Variants in PLEKHA5 observed in about 807,000 individuals in gnomAD.
PLEKHA5 encodes the protein pleckstrin homology domain containing A5.
A neutral mutation model predicts 181.9 loss-of-function variants in PLEKHA5; 55 were observed. The observed-to-expected ratio is 0.30, with a 90% confidence interval of 0.24 to 0.38. The LOEUF is 0.38. Among genes scored for constraint, PLEKHA5 ranks in the 10% least tolerant of loss-of-function variants. PLEKHA5 has a pLI of 1.00. For missense variants in PLEKHA5, 1,432 were observed against 1,549.5 expected, an observed-to-expected ratio of 0.92 and a Z score of 1.27; for synonymous variants, 535 against 529.4, an observed-to-expected ratio of 1.01 and a Z score of -0.15.
At chr12:19,205,404 A>C (rs1315607567) in intron 3 of PLEKHA5, 28 of 983,838 alleles carry the variant, frequency 2.8e-5, no homozygotes, top group Non-Finnish European at 3.4e-5. Context: ...GAAGCCTGAG[A>C]CAAAGAAAAG....
At chr12:19,307,132 G>A (rs2084184534) in intron 15 of PLEKHA5, 2 of 856,336 alleles carry the variant, frequency 2.3e-6, no homozygotes, top group African/African-American at 3.4e-5. Flanking sequence ...GCATGTAGCT[G>A]CTGGTCTTGT....
intron 3 of PLEKHA5, among the ~76,000 whole-genome samples, chr12:19,225,863 C>G (rs1393193343): frequency 6.6e-6 from 1 of 152,072 alleles, no homozygotes; most frequent in Non-Finnish European, 1.5e-5. Flanking sequence ...AAGATCATCC[C>G]AGGATATATT....
intron 26 of PLEKHA5, among the ~76,000 whole-genome samples, chr12:19,354,295 G>A: frequency 6.7e-6 from 1 of 148,306 alleles, no homozygotes; most frequent in African/African-American, 2.5e-5. Context: ...GGGACTACAG[G>A]CGCCCGCCAC....
At position 19,359,507 on chromosome 12, in the gene PLEKHA5, A is replaced by T. The variant is rs1409820364; in HGVS notation, c.3444A>T (p.Leu1148=). 3.1e-6 allele frequency: 5 copies of T among 1,613,956 alleles called. No homozygotes were observed. The highest frequency in any genetic ancestry group is 2.2e-5 in the East Asian group (1 of 44,854). The part of the protein sequence containing the change: ...HETPATEIVQ[L]KETEPQNVDF... ...CTCCTGCAACAGAAATTGTTCAACTAAAAGAAACCGAACCCCAAAATGTGG... is the reference window on the plus strand; with the variant it reads ...CTCCTGCAACAGAAATTGTTCAACTTAAAGAAACCGAACCCCAAAATGTGG... Residue 1148 remains leucine, a synonymous_variant, in exon 28 of 32, where the codon CTA becomes CTT. Transcript: ENST00000429027.
Position 19,218,128 on chromosome 12 carries a change from G to C in PLEKHA5, c.228-35812G>C, listed in dbSNP as rs2058297452. 2.0e-5 allele frequency among the ~76,000 whole-genome samples: 3 copies of C among 152,106 alleles called. No homozygotes were observed. In the South Asian group the frequency reaches 6.3e-4, roughly 32 times the overall value. The stretch of plus-strand genomic sequence containing the variant: ...AATTAGAAAGTAAGATTATCTGCTG[G>C]GACTTGTTCGAAGCTTAAGAATAGT... On this transcript the variant is annotated intron_variant, in intron 3 of 31. Transcript: ENST00000429027.
At chr12:19,255,586 G>T (rs1295174473) in intron 5 of PLEKHA5, among the ~76,000 whole-genome samples, 1 of 151,704 alleles carries the variant, frequency 6.6e-6, no homozygotes, top group Non-Finnish European at 1.5e-5. Context: ...TTAAATGCCA[G>T]TTAAGGTTTT....
chr12:19,196,664 C>T (rs554799513), intron 3 of PLEKHA5, among the ~76,000 whole-genome samples: 9 of 152,242 alleles, frequency 5.9e-5, no homozygotes, highest in South Asian at 2.1e-4. Flanking sequence ...AGTAAAACCT[C>T]TGTGACAATA....
At chr12:19,276,907 A>G in intron 11 of PLEKHA5, among the ~76,000 whole-genome samples, 1 of 152,220 alleles carries the variant, frequency 6.6e-6, no homozygotes, top group East Asian at 1.9e-4. Flanking sequence ...TTCTTTAAAA[A>G]GGAAACTGGC....
intron 20 of PLEKHA5, among the ~76,000 whole-genome samples, chr12:19,323,873 T>C (rs1206965840): frequency 6.6e-6 from 1 of 151,340 alleles, no homozygotes; most frequent in Admixed American, 6.6e-5. Context: ...CTCATAGTCA[T>C]ATAACTATGA....
intron 15 of PLEKHA5, among the ~76,000 whole-genome samples, chr12:19,304,750 G>A (rs931467464): frequency 1.9e-4 from 29 of 149,202 alleles, no homozygotes; most frequent in African/African-American, 6.7e-4. Context: ...TATGGGGGCC[G>A]GGGGGCTTTT....
intron 9 of PLEKHA5, 73 bp from the exon 10 acceptor site, chr12:19,270,115 A>ATTT: frequency 1.1e-6 from 1 of 887,760 alleles, no homozygotes; most frequent in South Asian, 1.9e-5. Flanking sequence ...TTCTTTATTC[A>ATTT]TTTTCACCTA....
At chr12:19,316,093 GGAATAAGTATTATTCC>G (rs1300760124) in intron 16 of PLEKHA5, among the ~76,000 whole-genome samples, 24 of 151,794 alleles carry the variant, frequency 1.6e-4, no homozygotes, top group Non-Finnish European at 2.2e-4. Context: ...GAGAGTATTT[GGAATAAGTATTATTCC>G]GAATAAGTAT....
In PLEKHA5 at chr12:19,283,413, C is replaced by G. The variant is rs1354935593; in HGVS notation, c.1447C>G (p.Pro483Ala). ...TRPESICSVT[P>A]STHDKTLGPG... is the part of the protein sequence containing the mutation. ...GCCTGAAAGTATCTGCAGTGTAACC[C>G]CTTCCACTCATGACAAGACATTAGG... Residue 483 changes from proline to alanine, a missense_variant, in exon 12 of 32, where the codon CCT becomes GCT. This residue lies in a region of PLEKHA5 where 1,143 missense variants were observed against 1,168.4 expected (regional missense o/e 0.98). Coordinates refer to ENST00000429027, the MANE Select transcript of PLEKHA5 (RefSeq NM_001256470.2). The G allele has an allele frequency of 1.2e-6, 2 of 1,613,904 alleles. No homozygotes were observed. The highest frequency in any genetic ancestry group is 2.2e-5 in the South Asian group (2 of 91,078).
At chr12:19,231,552 A>G (rs1393720518) in intron 3 of PLEKHA5, among the ~76,000 whole-genome samples, 1 of 147,724 alleles carries the variant, frequency 6.8e-6, no homozygotes, top group African/African-American at 2.5e-5. Flanking sequence ...ATGTATATAT[A>G]TTTATATATG....
In PLEKHA5 at chr12:19,347,188, T is replaced by G. The variant is rs892414077; in HGVS notation, c.2898+6T>G. 2.0e-6 allele frequency: 3 copies of G among 1,502,616 alleles called. No individual in the cohort carries two copies. The highest frequency in any genetic ancestry group is 4.0e-5 in the Admixed American group (2 of 49,868). The allele number at this position is 1,502,616 out of a possible 1,614,324, so 93.1% of individuals were successfully genotyped here. On this transcript the variant is annotated splice_donor_region_variant and intron_variant, in intron 24 of 31. Coordinates refer to ENST00000429027, the MANE Select transcript of PLEKHA5 (RefSeq NM_001256470.2). ...CAAGAAATGGATCTCACTGTGTAAGTGGCTGGAATAGCCACAGAATAATCA... is the reference window on the plus strand; with the variant it reads ...CAAGAAATGGATCTCACTGTGTAAGGGGCTGGAATAGCCACAGAATAATCA...
chr12:19,287,722 A>G (rs751470942), intron 13 of PLEKHA5, among the ~76,000 whole-genome samples, 166 bp downstream of exon 13: 2 of 152,198 alleles, frequency 1.3e-5, no homozygotes, highest in African/African-American at 4.8e-5. Context: ...TCATGTAGCC[A>G]TTTCAGTGTT....
In PLEKHA5 at chr12:19,321,823, A is replaced by G. The variant is rs1257777849; in HGVS notation, c.2218-487A>G. ...GTCATTATGCCATAAAGTTGGGGAC[A>G]TATTTCCAATTTGTCCAGTGTTTTC... On this transcript the variant is annotated intron_variant, in intron 18 of 31. Coordinates refer to ENST00000429027, the MANE Select transcript of PLEKHA5 (RefSeq NM_001256470.2). Among the ~76,000 whole-genome samples, 5 of 152,146 alleles carry G rather than the reference A, an allele frequency of 3.3e-5. No individual in the cohort carries two copies. The East Asian group carries it at 5.8e-4, about 18-fold the overall frequency.
At chr12:19,261,570 A>G (rs1348856335) in intron 7 of PLEKHA5, among the ~76,000 whole-genome samples, 1 of 152,172 alleles carries the variant, frequency 6.6e-6, no homozygotes, top group African/African-American at 2.4e-5. Flanking sequence ...GATCTCTTAG[A>G]TACTACAAGA....
In PLEKHA5 at chr12:19,287,506, G is replaced by A. The variant is rs2077479878; in HGVS notation, c.1813G>A (p.Ala605Thr). The A allele has an allele frequency of 6.2e-7, 1 of 1,611,868 alleles. No homozygotes were observed. The highest frequency in any genetic ancestry group is 1.1e-5 in the South Asian group (1 of 90,800). ...VYVPDRRSVP[A>T]GLTLQSVSPQ... The stretch of plus-strand genomic sequence containing the variant: ...TGTGCCTGACAGAAGGTCAGTGCCA[G>A]CTGGCCTGACTTTACAGTCTGTTAG... The change falls in exon 13 of 32, where the codon GCT (alanine) becomes ACT (threonine). Residue 605 changes from alanine to threonine, a missense_variant. Physicochemically the swap from Ala to Thr is moderately conservative, Grantham distance 58. Around this residue, in one of 2 missense-constraint regions of PLEKHA5, gnomAD observed 1,143 missense variants for 1,168.4 expected, o/e 0.98. Transcript: ENST00000429027.
Sources: allele counts gnomAD v4.1 joint callset (sites outside exome capture counted in the v4.1 genomes callset), GRCh38; gene constraint gnomAD v4.1.1; regional missense constraint gnomAD v4.1.1; transcripts MANE v1.5; gene names NCBI Gene and HGNC (gene_info 2026-07-23, HGNC 2026-07-21).